ZNF487: variants seen among roughly 807,000 people sequenced by gnomAD.
The protein encoded by ZNF487 is zinc finger protein 487, also known as KRAB domain only 1.
ZNF487 carries 4 observed loss-of-function variants against 3.0 expected under a neutral mutation model. The ratio of observed to expected loss-of-function variants is 1.35; its 90% CI spans 0.66 to 3.08. ZNF487 has a LOEUF of 3.08. ZNF487 is among the 30% of genes most tolerant of loss of function. The probability of loss-of-function intolerance (pLI) is 0.01; values close to 1 mark genes in which losing one functional copy is unlikely to be tolerated. For synonymous variants in ZNF487, 55 were observed against 34.6 expected, an observed-to-expected ratio of 1.59 and a Z score of -2.06; for missense variants, 146 against 98.7, an observed-to-expected ratio of 1.48 and a Z score of -2.03.
At chr10:43,518,428 G>A in the ZNF487 span, among the ~76,000 whole-genome samples, 1 of 152,132 alleles carries the variant, frequency 6.6e-6, no homozygotes, top group Non-Finnish European at 1.5e-5. Flanking sequence ...ATATGCCAGT[G>A]CCACACAGGT....
At chr10:43,454,992 C>T (rs1307268824) in intron 1 of ZNF487, among the ~76,000 whole-genome samples, 1 of 139,282 alleles carries the variant, frequency 7.2e-6, no homozygotes, top group Non-Finnish European at 1.5e-5. Context: ...GTGTGATAGT[C>T]GTTTTCTTTT....
the ZNF487 span, among the ~76,000 whole-genome samples, chr10:43,516,587 C>T: frequency 6.6e-6 from 1 of 152,274 alleles, no homozygotes; most frequent in South Asian, 2.1e-4. Context: ...GAGAGCCAGT[C>T]CAAATTGCAA....
At chr10:43,497,706 G>A in the ZNF487 span, among the ~76,000 whole-genome samples, 1 of 152,010 alleles carries the variant, frequency 6.6e-6, no homozygotes, top group East Asian at 1.9e-4. Flanking sequence ...GGTGGCTCAC[G>A]CCTGTAATCC....
the ZNF487 span, among the ~76,000 whole-genome samples, chr10:43,496,467 A>G: frequency 6.6e-6 from 1 of 152,124 alleles, no homozygotes; most frequent in African/African-American, 2.4e-5. Context: ...GGTGGTCTTC[A>G]AGTTGCAGCA....
chr10:43,440,259 A>G (rs1364675433), intron 1 of ZNF487, among the ~76,000 whole-genome samples: 1 of 151,862 alleles, frequency 6.6e-6, no homozygotes, highest in Non-Finnish European at 1.5e-5. Flanking sequence ...CATGTTGGCC[A>G]GGCTGATCTC....
chr10:43,504,560 G>T, the ZNF487 span, among the ~76,000 whole-genome samples: 7 of 152,020 alleles, frequency 4.6e-5, no homozygotes, highest in African/African-American at 7.2e-5. Flanking sequence ...CTCCCAAAGT[G>T]CTGGGATTAC....
intron 1 of ZNF487, among the ~76,000 whole-genome samples, chr10:43,464,315 T>A (rs1215501548): frequency 1.3e-5 from 2 of 151,936 alleles, no homozygotes; most frequent in Non-Finnish European, 2.9e-5. Flanking sequence ...CCTGGGTAGC[T>A]GGGATTACAG....
chr10:43,521,701 A>C, the ZNF487 span, among the ~76,000 whole-genome samples: 1 of 152,222 alleles, frequency 6.6e-6, no homozygotes, highest in African/African-American at 2.4e-5. Flanking sequence ...CACAAAATCC[A>C]TGAATAATGA....
At chr10:43,480,079 T>C (rs1157278850) in intron 3 of ZNF487, among the ~76,000 whole-genome samples, 3 of 148,232 alleles carry the variant, frequency 2.0e-5, no homozygotes, top group Non-Finnish European at 4.5e-5. Flanking sequence ...CTTCCTTCCT[T>C]CCTTCTTTCT....
chr10:43,502,802 G>C, the ZNF487 span, among the ~76,000 whole-genome samples: 244 of 152,222 alleles, frequency 1.6e-3, 2 homozygotes, highest in East Asian at 0.021. Flanking sequence ...GGGCCAAGCC[G>C]GGTGAATCAC....
At chr10:43,476,307 TAG>T (rs1341200672) in intron 3 of ZNF487, 105 bp downstream of exon 3, 3 of 628,394 alleles carry the variant, frequency 4.8e-6, no homozygotes, top group East Asian at 5.4e-5. Context: ...GATATGTTTT[TAG>T]AGTTACCAGA....
chr10:43,468,803 C>T lies in ZNF487; in HGVS notation c.-93-6918C>T, dbSNP rs541738282. On this transcript the variant is annotated intron_variant, in intron 1 of 3. Transcript: ENST00000437590. ...AGGAGATCGAGACCATCTTGGCTAA[C>T]GCGGTGAAACCCCGTCTCTACTAAA... Among the ~76,000 whole-genome samples the T allele has an allele frequency of 6.0e-4, 90 of 150,312 alleles. 3 individuals are homozygous for T. The Middle Eastern group carries it at 0.01, about 17-fold the overall frequency.
chr10:43,487,922 C>CA (rs563953525), downstream of ZNF487, among the ~76,000 whole-genome samples: 625 of 38,038 alleles, frequency 0.016, 6 homozygotes, highest in African/African-American at 0.061. Flanking sequence ...CCGCCTCTAC[C>CA]AAAATACAAA....
rs1841380995 is a variant in ZNF487, at chr10:43,481,960, A to G, written c.*38A>G. The G allele has an allele frequency of 3.3e-6, 2 of 608,480 alleles. No homozygotes were observed. The highest frequency in any genetic ancestry group is 2.0e-5 in the South Asian group (1 of 50,478). The allele number at this position is 608,480 out of a possible 1,614,324, so 37.7% of individuals were successfully genotyped here. A position where few individuals can be genotyped will look rare whatever the true frequency, so the allele number is the denominator to read the frequency against. ...TGTGAGAGCCTTTTCCGATAGACCA[A>G]TATTCATTGTTCATCAGAGAACTCA... On this transcript the variant is annotated 3_prime_UTR_variant, in exon 4 of 4. Transcript: ENST00000437590.
In ZNF487 at chr10:43,482,434, A is replaced by G; in HGVS notation, c.*512A>G. 2.1e-6 allele frequency: 1 copy of G among 471,488 alleles called. No homozygotes were observed. Among genetic ancestry groups the G allele is most frequent in the South Asian group, 1.5e-5 (1 of 65,038 alleles). 29.2% of individuals were successfully genotyped at this position (471,488 alleles called of 1,614,324 possible). ...CCTATGAATGCACTGAATGTGGGAA[A>G]ACTTTTGGATATAGGTCATGCCTTG... On this transcript the variant is annotated 3_prime_UTR_variant, in exon 4 of 4. Transcript: ENST00000437590.
chr10:43,458,854 G>T (rs1226285588), intron 1 of ZNF487, among the ~76,000 whole-genome samples: 1 of 151,946 alleles, frequency 6.6e-6, no homozygotes, highest in African/African-American at 2.4e-5. Flanking sequence ...TAGAAGCTGG[G>T]ATAGCTGCAT....
At chr10:43,456,596 T>G (rs1840212335) in intron 1 of ZNF487, among the ~76,000 whole-genome samples, 1 of 152,150 alleles carries the variant, frequency 6.6e-6, no homozygotes, top group Admixed American at 6.6e-5. Flanking sequence ...TTCTTTTTCT[T>G]TTGAGATGGA....
At chr10:43,475,698 T>A (rs1382782340) in intron 1 of ZNF487, 23 bp from the exon 2 acceptor site, 1 of 777,308 alleles carries the variant, frequency 1.3e-6, no homozygotes, top group African/African-American at 1.7e-5. Flanking sequence ...CACTGTAGAA[T>A]GAAAACAAAT....
At chr10:43,511,496 TC>T in the ZNF487 span, among the ~76,000 whole-genome samples, 1 of 152,264 alleles carries the variant, frequency 6.6e-6, no homozygotes, top group Non-Finnish European at 1.5e-5. Flanking sequence ...CAAACCTCTG[TC>T]CATTCCATGA....
Sources: gnomAD v4.1 joint callset for allele counts (sites outside exome capture counted in the v4.1 genomes callset) on GRCh38, gnomAD v4.1.1 for gene constraint, MANE v1.5 for transcripts, NCBI Gene and HGNC (gene_info 2026-07-23, HGNC 2026-07-21) for gene names.